PALM2AKAP2: variants seen among roughly 807,000 people sequenced by gnomAD.
The protein encoded by PALM2AKAP2 is PALM2 and AKAP2 fusion.
A neutral mutation model predicts 71.5 loss-of-function variants in PALM2AKAP2; 37 were observed. That is an observed-to-expected ratio of 0.52 (90% CI 0.40 to 0.68). The LOEUF is 0.68. Ranked by LOEUF, PALM2AKAP2 falls within the 30% of genes least tolerant of loss-of-function variation. The pLI is 0.00. For missense variants in PALM2AKAP2, 1,224 were observed against 1,191.8 expected (o/e 1.03, Z -0.40); for synonymous variants, 468 against 478.8 (o/e 0.98, Z 0.29).
chr9:110,093,930 G>A (rs1292048036), intron 1 of PALM2AKAP2, among the ~76,000 whole-genome samples: 1 of 152,150 alleles, frequency 6.6e-6, no homozygotes, highest in Non-Finnish European at 1.5e-5. Context: ...TTTCCCAGTG[G>A]TCTCAACTGA....
At chr9:109,724,360 G>A (rs868159791) in intron 1 of PALM2AKAP2, among the ~76,000 whole-genome samples, 2 of 152,120 alleles carry the variant, frequency 1.3e-5, no homozygotes, top group Non-Finnish European at 2.9e-5. Context: ...ATCCCAGTGA[G>A]GTTTTGTGGT....
intron 7 of PALM2AKAP2, among the ~76,000 whole-genome samples, chr9:110,037,454 C>T (rs371963080): frequency 2.4e-4 from 36 of 152,364 alleles, no homozygotes; most frequent in African/African-American, 8.4e-4. Flanking sequence ...AATCCACCCA[C>T]CTTGGCCTAC....
At chr9:110,102,699 A>C (rs1835028660) in intron 1 of PALM2AKAP2, among the ~76,000 whole-genome samples, 1 of 152,166 alleles carries the variant, frequency 6.6e-6, no homozygotes, top group Admixed American at 6.5e-5. Context: ...GTAGACCAGC[A>C]AGTCACTATT....
intron 1 of PALM2AKAP2, among the ~76,000 whole-genome samples, chr9:109,736,229 C>A (rs74784194): frequency 2.0e-5 from 3 of 152,112 alleles, no homozygotes; most frequent in Non-Finnish European, 2.9e-5. Context: ...AAGTGAATTA[C>A]TATAAATACA....
At chr9:109,919,330 A>G (rs1830769947) in intron 3 of PALM2AKAP2, among the ~76,000 whole-genome samples, 1 of 151,762 alleles carries the variant, frequency 6.6e-6, no homozygotes, top group South Asian at 2.1e-4. Context: ...AGAAAGCCTC[A>G]GGAGGTATTT....
intron 6 of PALM2AKAP2, among the ~76,000 whole-genome samples, chr9:109,936,173 C>G (rs1831213687): frequency 6.6e-6 from 1 of 151,724 alleles, no homozygotes; most frequent in Non-Finnish European, 1.5e-5. Flanking sequence ...GTATAATGAT[C>G]AAAAAAGGGT....
intron 1 of PALM2AKAP2, among the ~76,000 whole-genome samples, chr9:110,049,219 A>T (rs2132494946): frequency 6.6e-6 from 1 of 152,220 alleles, no homozygotes; most frequent in South Asian, 2.1e-4. Context: ...GTGAAATCAA[A>T]TGTGGTCGTG....
chr9:109,679,634 A>T (rs1827696649), intron 1 of PALM2AKAP2, among the ~76,000 whole-genome samples: 1 of 152,182 alleles, frequency 6.6e-6, no homozygotes. Flanking sequence ...TACTCAAAGC[A>T]TGGAATTCTA....
Position 109,735,977 on chromosome 9 carries a change from C to T in PALM2AKAP2, c.6-44511C>T, listed in dbSNP as rs111645267. 3.7e-3 allele frequency among the ~76,000 whole-genome samples: 563 copies of T among 152,298 alleles called. 1 individual carries two copies. Among genetic ancestry groups the T allele is most frequent in the African/African-American group, 0.013 (523 of 41,566 alleles). On this transcript the variant is annotated intron_variant, in intron 1 of 6. Transcript: ENST00000374531. ...AGAAGAAAGCCAAGTAGGCGTTTCT[C>T]CCATGGTAGTTATCTTTAGTCTATG...
intron 6 of PALM2AKAP2, among the ~76,000 whole-genome samples, chr9:109,986,361 C>T (rs779636070): frequency 5.3e-5 from 8 of 152,156 alleles, no homozygotes; most frequent in Non-Finnish European, 1.0e-4. Context: ...CTATGAGTAA[C>T]AAAATTCAGT....
intron 1 of PALM2AKAP2, among the ~76,000 whole-genome samples, chr9:109,859,204 C>G (rs1829248946): frequency 6.6e-6 from 1 of 152,076 alleles, no homozygotes; most frequent in South Asian, 2.1e-4. Context: ...TTCTCTTGAC[C>G]ATATTGTTTC....
chr9:110,010,798 G>A (rs939413253), intron 6 of PALM2AKAP2, among the ~76,000 whole-genome samples: 1 of 148,102 alleles, frequency 6.8e-6, no homozygotes, highest in African/African-American at 2.5e-5. Flanking sequence ...TCAAGAGTTC[G>A]AGACCAGCCT....
chr9:110,167,152 T>A (rs1454025242), intron 3 of PALM2AKAP2, among the ~76,000 whole-genome samples: 3 of 152,168 alleles, frequency 2.0e-5, no homozygotes, highest in African/African-American at 7.2e-5. Context: ...TTGAATTACC[T>A]CCTATGAGTC....
At chr9:110,076,002 G>A (rs757023883) in intron 1 of PALM2AKAP2, among the ~76,000 whole-genome samples, 1 of 151,864 alleles carries the variant, frequency 6.6e-6, no homozygotes, top group Non-Finnish European at 1.5e-5. Flanking sequence ...ATTTGACATT[G>A]ATACAATACT....
chr9:109,703,071 G>A (rs971797648), intron 1 of PALM2AKAP2, among the ~76,000 whole-genome samples: 7 of 151,996 alleles, frequency 4.6e-5, no homozygotes, highest in East Asian at 1.9e-4. Context: ...TGCCCGCCTC[G>A]GCCTCTCAAA....
intron 1 of PALM2AKAP2, among the ~76,000 whole-genome samples, chr9:109,769,461 G>A (rs2118761310): frequency 6.6e-6 from 1 of 152,252 alleles, no homozygotes; most frequent in Non-Finnish European, 1.5e-5. Context: ...TGCTCCATTT[G>A]TTTTGGCTTG....
intron 1 of PALM2AKAP2, among the ~76,000 whole-genome samples, chr9:109,760,091 C>A (rs74534350): frequency 2.0e-4 from 31 of 152,118 alleles, no homozygotes; most frequent in Non-Finnish European, 3.5e-4. Context: ...ATCACTGATT[C>A]GATTTTTGCC....
At chr9:109,713,939 A>G (rs1231278317) in intron 1 of PALM2AKAP2, among the ~76,000 whole-genome samples, 1 of 152,244 alleles carries the variant, frequency 6.6e-6, no homozygotes, top group African/African-American at 2.4e-5. Context: ...TAGCACATGT[A>G]TCATACTAAT....
At chr9:109,944,976 CAT>C (rs1831468924) in intron 6 of PALM2AKAP2, 1 of 152,084 alleles carries the variant, frequency 6.6e-6, no homozygotes, top group African/African-American at 2.4e-5. Flanking sequence ...TTTGAAAAAA[CAT>C]ATGATATACT....
Sources: allele counts gnomAD v4.1 joint callset (sites outside exome capture counted in the v4.1 genomes callset), GRCh38; gene constraint gnomAD v4.1.1; transcripts MANE v1.5; gene names NCBI Gene and HGNC (gene_info 2026-07-23, HGNC 2026-07-21).